SUZ12: variants seen among roughly 807,000 people sequenced by gnomAD.
SUZ12 encodes the protein polycomb protein SUZ12.
Under a neutral mutation model 87.3 loss-of-function variants are expected in SUZ12, and 17 were observed. The ratio of observed to expected loss-of-function variants is 0.19; its 90% CI spans 0.13 to 0.29. The LOEUF is 0.29. SUZ12 is among the 10% of genes least tolerant of loss of function. SUZ12 has a pLI of 1.00. For missense variants in SUZ12, 526 were observed against 912.2 expected (o/e 0.58, Z 5.45); for synonymous variants, 253 against 312.4 (o/e 0.81, Z 2.01).
chr17:31,941,223 T>G (rs183633777), intron 3 of SUZ12, among the ~76,000 whole-genome samples: 34 of 151,174 alleles, frequency 2.2e-4, no homozygotes, highest in Admixed American at 2.1e-3. Flanking sequence ...TGCCTCAGCC[T>G]CCTTATTTTT....
intron 5 of SUZ12, among the ~76,000 whole-genome samples, chr17:31,968,635 A>G (rs1317619258): frequency 6.6e-6 from 1 of 152,204 alleles, no homozygotes; most frequent in Non-Finnish European, 1.5e-5. Context: ...TTTATATAGA[A>G]GTAACCTGGG....
intron 4 of SUZ12, among the ~76,000 whole-genome samples, chr17:31,952,913 A>G (rs375202071): frequency 6.6e-6 from 1 of 152,132 alleles, no homozygotes; most frequent in African/African-American, 2.4e-5. Flanking sequence ...GTGCATCTCC[A>G]TGGACTAAAA....
rs58491591 is a variant in SUZ12 at position 31,980,429 on chromosome 17, C to CTT, written c.918-2534_918-2533dup. ...TAAGATATACCAGAATCACCTTCTC[C>CTT]TTTTTTTTTTTTTTTTTTTTTTTTT... On this transcript the variant is annotated intron_variant, in intron 8 of 15. Coordinates refer to ENST00000322652, the MANE Select transcript of SUZ12 (RefSeq NM_015355.4). Among the ~76,000 whole-genome samples the CTT allele has an allele frequency of 3.0e-3, 164 of 53,826 alleles. 29 individuals are homozygous for CTT. Among genetic ancestry groups the CTT allele is most frequent in the South Asian group, 6.7e-3 (7 of 1,044 alleles). 35.3% of individuals were successfully genotyped at this position (53,826 alleles called of 152,430 possible).
intron 5 of SUZ12, chr17:31,966,548 A>G (rs1222085112): frequency 1.6e-5 from 3 of 183,792 alleles, no homozygotes; most frequent in African/African-American, 2.4e-5. Context: ...GGGTCTCACC[A>G]TGCTGGCCAG....
intron 4 of SUZ12, among the ~76,000 whole-genome samples, chr17:31,958,240 TG>T (rs975165364): frequency 1.3e-5 from 2 of 152,130 alleles, no homozygotes; most frequent in Non-Finnish European, 2.9e-5. Context: ...TTCACCGTTT[TG>T]CCCAGTGTGA....
chr17:31,972,253 C>G (rs1285730159), intron 5 of SUZ12, among the ~76,000 whole-genome samples: 1 of 151,858 alleles, frequency 6.6e-6, no homozygotes, highest in African/African-American at 2.4e-5. Context: ...CTACTGCACT[C>G]CAACCTGGTT....
chr17:31,988,237 T>TA (rs1274156317), intron 9 of SUZ12, 83 bp from the exon 10 acceptor site: 1 of 1,343,908 alleles, frequency 7.4e-7, no homozygotes, highest in Non-Finnish European at 1.0e-6. Context: ...CACATTGACT[T>TA]ATAATGAATT....
chr17:31,977,273 CTTTT>C (rs762777458), intron 8 of SUZ12, among the ~76,000 whole-genome samples: 3 of 117,340 alleles, frequency 2.6e-5, no homozygotes, highest in African/African-American at 9.9e-5. Flanking sequence ...GAGATCCCAT[CTTTT>C]TTTTTTTTTT....
At chr17:31,993,785 A>C (rs1478691891) in intron 11 of SUZ12, 80 bp from the exon 12 acceptor site, 1 of 1,388,836 alleles carries the variant, frequency 7.2e-7, no homozygotes, top group Non-Finnish European at 9.8e-7. Flanking sequence ...TTTTTAAACT[A>C]TTTTTAGAAG....
intron 5 of SUZ12, among the ~76,000 whole-genome samples, chr17:31,969,566 A>C (rs941463270): frequency 3.9e-5 from 6 of 152,236 alleles, no homozygotes; most frequent in African/African-American, 1.4e-4. Context: ...AAGTGCTAGG[A>C]TTATAGGCGT....
intron 4 of SUZ12, among the ~76,000 whole-genome samples, chr17:31,953,674 C>T (rs1390666616): frequency 6.6e-6 from 1 of 150,758 alleles, no homozygotes; most frequent in African/African-American, 2.4e-5. Flanking sequence ...TCCTGAAGTG[C>T]TGAGATTACA....
intron 11 of SUZ12, among the ~76,000 whole-genome samples, chr17:31,993,542 C>A (rs1490778783): frequency 6.6e-6 from 1 of 152,064 alleles, no homozygotes; most frequent in Non-Finnish European, 1.5e-5. Context: ...CACGCCTCAG[C>A]CTCACGAGTA....
intron 8 of SUZ12, among the ~76,000 whole-genome samples, chr17:31,979,103 C>CAAAAAAAAAA (rs61307349): frequency 3.1e-5 from 2 of 65,262 alleles, no homozygotes; most frequent in African/African-American, 9.0e-5. Context: ...ACTGTGTCTC[C>CAAAAAAAAAA]AAAAAAAAAA....
intron 9 of SUZ12, among the ~76,000 whole-genome samples, chr17:31,983,734 T>G (rs1042393680): frequency 4.6e-5 from 7 of 152,180 alleles, no homozygotes; most frequent in African/African-American, 1.7e-4. Context: ...AATAAAATAT[T>G]TAGTACAGTG....
At chr17:31,954,340 C>T (rs1369200828) in intron 4 of SUZ12, among the ~76,000 whole-genome samples, 2 of 152,152 alleles carry the variant, frequency 1.3e-5, no homozygotes, top group Non-Finnish European at 2.9e-5. Flanking sequence ...GGATTGCAGG[C>T]GTGAGCCTCT....
chr17:31,937,214 G>T lies in SUZ12; in HGVS notation c.-33G>T. ...GCTTGCTCTCCGGGGCCGCCCGGCG[G>T]GTAGCTGGCGGGGGGAGGAGGCAGG... On this transcript the variant is annotated 5_prime_UTR_variant, in exon 1 of 16. Coordinates refer to ENST00000322652, the MANE Select transcript of SUZ12 (RefSeq NM_015355.4). The T allele has an allele frequency of 7.2e-7, 1 of 1,398,462 alleles. No homozygotes were observed. The highest frequency in any genetic ancestry group is 9.2e-7 in the Non-Finnish European group (1 of 1,087,156). The allele number at this position is 1,398,462 out of a possible 1,614,324, so 86.6% of individuals were successfully genotyped here.
chr17:31,983,400 C>T (rs1023044046), intron 9 of SUZ12, among the ~76,000 whole-genome samples: 1 of 151,728 alleles, frequency 6.6e-6, no homozygotes, highest in Non-Finnish European at 1.5e-5. Flanking sequence ...CTCAGCCTCC[C>T]AAGTAGCTGT....
At chr17:31,977,987 A>G (rs1263041910) in intron 8 of SUZ12, among the ~76,000 whole-genome samples, 3 of 152,196 alleles carry the variant, frequency 2.0e-5, no homozygotes, top group Non-Finnish European at 4.4e-5. Context: ...TATTTCTGCA[A>G]TTTCTGTTTG....
At chr17:31,976,843 T>A (rs2142181001) in intron 8 of SUZ12, among the ~76,000 whole-genome samples, 1 of 152,288 alleles carries the variant, frequency 6.6e-6, no homozygotes, top group East Asian at 1.9e-4. Context: ...TGGCGAATAT[T>A]TTCTGAGTGT....
Sources: gnomAD v4.1 joint callset for allele counts (sites outside exome capture counted in the v4.1 genomes callset) on GRCh38, gnomAD v4.1.1 for gene constraint, MANE v1.5 for transcripts, NCBI Gene and HGNC (gene_info 2026-07-23, HGNC 2026-07-21) for gene names.